CEP78: variants seen among roughly 807,000 people sequenced by gnomAD.
The protein encoded by CEP78 is centrosomal protein of 78 kDa.
In CEP78, 76 loss-of-function variants were observed where a neutral mutation model predicts 81.2. That is an observed-to-expected ratio of 0.94 (90% CI 0.78 to 1.13). The LOEUF (loss-of-function observed/expected upper bound fraction) is 1.13. Among genes scored for constraint, CEP78 ranks in the 50% most tolerant of loss-of-function variants. CEP78 has a pLI of 0.00. For synonymous variants in CEP78, 293 were observed against 301.4 expected (o/e 0.97, Z 0.29); for missense variants, 918 against 846.8 (o/e 1.08, Z -1.04).
In CEP78 at chr9:78,266,615, A is replaced by G; in HGVS notation, c.2019A>G (p.Pro673=). The G allele has an allele frequency of 6.2e-7, 1 of 1,613,480 alleles. No homozygotes were observed. The highest frequency in any genetic ancestry group is 8.5e-7 in the Non-Finnish European group (1 of 1,179,622). Residue 673 remains proline (P), a synonymous_variant, in exon 16 of 17, where the codon CCA becomes CCG. Transcript: ENST00000643273. ...GFIARMCSPS[P]DATSGTGSQR... is the part of the protein sequence containing the mutation. ...TTGCTAGAATGTGTTCTCCTTCACC[A>G]GATGCGACTTCTGGAACTGGAAGTC...
At position 78,272,268 on chromosome 9, in the gene CEP78, C is replaced by T. The variant is rs906598359; in HGVS notation, c.*1417C>T. The stretch of plus-strand genomic sequence containing the variant: ...CTTGAACTCCTGGCCTCAAATGATC[C>T]TCCCACCTTGGCCTCCCAAAGTGCT... On this transcript the variant is annotated 3_prime_UTR_variant, in exon 17 of 17. Transcript: ENST00000643273. 41 of 152,488 alleles carry T rather than the reference C, an allele frequency of 2.7e-4. No homozygotes were observed. Among genetic ancestry groups the T allele is most frequent in the African/African-American group, 9.6e-4 (40 of 41,548 alleles). 9.4% of individuals were successfully genotyped at this position (152,488 alleles called of 1,614,324 possible).
chr9:78,259,592 T>C (rs916111546), intron 11 of CEP78, among the ~76,000 whole-genome samples: 16 of 152,364 alleles, frequency 1.1e-4, no homozygotes, highest in African/African-American at 3.8e-4. Context: ...TCTGTTCGTA[T>C]GTTTATTCAT....
At position 78,262,202 on chromosome 9, in the gene CEP78, A is replaced by ATT. The variant is rs535753147; in HGVS notation, c.1381-689_1381-688dup. Among the ~76,000 whole-genome samples, 1,183 of 137,596 alleles carry ATT rather than the reference A, an allele frequency of 8.6e-3. 7 individuals carry two copies. The highest frequency in any genetic ancestry group is 0.026 in the African/African-American group (996 of 37,660). The allele number at this position is 137,596 out of a possible 152,430, so 90.3% of individuals were successfully genotyped here. A position where few individuals can be genotyped will look rare whatever the true frequency, so the allele number is the denominator to read the frequency against. ...GAGCATTTCATCATAGGGATGTGCT[A>ATT]TTTTTTTTTTTTTTTTTACCAATCA... On this transcript the variant is annotated intron_variant, in intron 11 of 16. Coordinates refer to ENST00000643273, the MANE Select transcript of CEP78 (RefSeq NM_001330691.3).
chr9:78,254,057 C>T (rs1022979771), intron 10 of CEP78: 1 of 152,070 alleles, frequency 6.6e-6, no homozygotes, highest in African/African-American at 2.4e-5. Context: ...GGGATTGTGA[C>T]ACAGTCAATT....
intron 5 of CEP78, among the ~76,000 whole-genome samples, chr9:78,245,259 A>G (rs1026643857): frequency 2.0e-5 from 3 of 152,094 alleles, no homozygotes; most frequent in African/African-American, 7.2e-5. Context: ...GCTTAAAGAG[A>G]AGACATTCAT....
chr9:78,239,052 C>A (rs1826094732), intron 1 of CEP78, among the ~76,000 whole-genome samples: 1 of 151,472 alleles, frequency 6.6e-6, no homozygotes, highest in Non-Finnish European at 1.5e-5. Flanking sequence ...TGGGAGGGAC[C>A]TCAGAGTCAA....
At chr9:78,245,115 C>T (rs1826416752) in intron 5 of CEP78, among the ~76,000 whole-genome samples, 1 of 151,960 alleles carries the variant, frequency 6.6e-6, no homozygotes, top group African/African-American at 2.4e-5. Flanking sequence ...CTATCAGATC[C>T]ATATATCTGA....
At chr9:78,249,540 C>A (rs1472038872) in intron 8 of CEP78, 9 of 151,788 alleles carry the variant, frequency 5.9e-5, no homozygotes, top group Admixed American at 5.9e-4. Context: ...AATTTTGTGA[C>A]CAAGAATAAT....
intron 3 of CEP78, among the ~76,000 whole-genome samples, chr9:78,240,716 T>A (rs1826187593): frequency 6.6e-6 from 1 of 152,002 alleles, no homozygotes; most frequent in Non-Finnish European, 1.5e-5. Context: ...ATCCCAGCAA[T>A]TTGGGAGGCC....
At chr9:78,257,570 A>G (rs1436870892) in intron 11 of CEP78, among the ~76,000 whole-genome samples, 1 of 152,084 alleles carries the variant, frequency 6.6e-6, no homozygotes, top group African/African-American at 2.4e-5. Context: ...GAAGCATGTT[A>G]CTATGTATTA....
chr9:78,265,560 G>T lies in CEP78; in HGVS notation c.1797+17G>T, dbSNP rs183884477. 698 of 1,545,250 alleles carry T rather than the reference G, an allele frequency of 4.5e-4. 1 individual carries two copies. In the African/African-American group the frequency reaches 8.7e-3, roughly 19 times the overall value. ...AATATCCAGGTAAATGAATAGAACA[G>T]AACTTAGTGATTCTACAAGTGATTA... On this transcript the variant is annotated intron_variant, in intron 14 of 16. Coordinates refer to ENST00000643273, the MANE Select transcript of CEP78 (RefSeq NM_001330691.3).
chr9:78,241,748 A>G lies in CEP78; in HGVS notation c.552A>G (p.Thr184=). ...TCACTCTTAAGACAGTCAACTTCAC[A>G]GGATGTAATCTGACATGGCAGGGAG... is the stretch of plus-strand genomic sequence containing the variant. ...SSITLKTVNF[T]GCNLTWQGAD... is the part of the protein sequence containing the mutation. The change falls in exon 4 of 17, where the codon ACA becomes ACG. Residue 184 remains threonine (T), a synonymous_variant. Coordinates refer to ENST00000643273, the MANE Select transcript of CEP78 (RefSeq NM_001330691.3). 1 of 1,611,166 alleles carries G rather than the reference A, an allele frequency of 6.2e-7. No homozygotes were observed. Among genetic ancestry groups the G allele is most frequent in the East Asian group, 2.2e-5 (1 of 44,808 alleles).
At chr9:78,261,068 C>T (rs201371830) in intron 11 of CEP78, among the ~76,000 whole-genome samples, 3 of 151,304 alleles carry the variant, frequency 2.0e-5, no homozygotes, top group South Asian at 2.1e-4. Flanking sequence ...CTCCTGCCTC[C>T]GCCTCCCGAG....
chr9:78,261,259 C>T (rs1827260441), intron 11 of CEP78, among the ~76,000 whole-genome samples: 1 of 151,996 alleles, frequency 6.6e-6, no homozygotes, highest in African/African-American at 2.4e-5. Flanking sequence ...TATTTTTGAT[C>T]TGCATTTGGT....
chr9:78,267,055 T>C, intron 16 of CEP78: 1 of 1,162,982 alleles, frequency 8.6e-7, no homozygotes, highest in Non-Finnish European at 1.1e-6. Context: ...TAATAAATTT[T>C]CTTATGTTTT....
chr9:78,241,687 C>A lies in CEP78; in HGVS notation c.500-9C>A, dbSNP rs778233243. On this transcript the variant is annotated splice_polypyrimidine_tract_variant and intron_variant, in intron 3 of 16. Coordinates refer to ENST00000643273, the MANE Select transcript of CEP78 (RefSeq NM_001330691.3). ...ATCTTATTGTATGTGGTTTTTTTTT[C>A]CATTTTAGTTATTTGTCAAGGTATA... The A allele has an allele frequency of 3.6e-6, 5 of 1,376,140 alleles. No homozygotes were observed. In the East Asian group the frequency reaches 9.3e-5, roughly 26 times the overall value. The allele number at this position is 1,376,140 out of a possible 1,614,324, so 85.2% of individuals were successfully genotyped here. A position where few individuals can be genotyped will look rare whatever the true frequency, so the allele number is the denominator to read the frequency against.
intron 12 of CEP78, 147 bp downstream of exon 12, chr9:78,263,131 CT>C (rs1270883400): frequency 2.4e-6 from 1 of 419,460 alleles, no homozygotes; most frequent in Admixed American, 4.2e-5. Context: ...TTTGTATTTA[CT>C]TATATTTGGT....
chr9:78,248,388 C>G, intron 7 of CEP78, 33 bp downstream of exon 7: 1 of 1,362,044 alleles, frequency 7.3e-7, no homozygotes, highest in South Asian at 1.2e-5. Context: ...AGAAAGAATT[C>G]TTATTTAATT....
At chr9:78,247,206 T>C (rs990244139) in intron 6 of CEP78, among the ~76,000 whole-genome samples, 4 of 152,216 alleles carry the variant, frequency 2.6e-5, no homozygotes, top group Non-Finnish European at 4.4e-5. Flanking sequence ...TGGGGAGTTA[T>C]ACGTAATGTA....
Sources: allele counts gnomAD v4.1 joint callset (sites outside exome capture counted in the v4.1 genomes callset), GRCh38; gene constraint gnomAD v4.1.1; transcripts MANE v1.5; gene names NCBI Gene and HGNC (gene_info 2026-07-23, HGNC 2026-07-21).